Variants in TMED3 observed in about 807,000 individuals in gnomAD.
TMED3 encodes transmembrane p24 trafficking protein 3, also known as transmembrane emp24 domain-containing protein 3.
In TMED3, 9 loss-of-function variants were observed where a neutral mutation model predicts 15.0. That is an observed-to-expected ratio of 0.60 (90% CI 0.36 to 1.04). TMED3 has a LOEUF of 1.04. Among genes scored for constraint, TMED3 ranks in the 50% least tolerant of loss-of-function variants. The probability of loss-of-function intolerance (pLI) is 0.01; values close to 1 mark genes in which losing one functional copy is unlikely to be tolerated. For missense variants in TMED3, 267 were observed against 278.9 expected (o/e 0.96, Z 0.30); for synonymous variants, 117 against 121.4 (o/e 0.96, Z 0.24).
intron 2 of TMED3, among the ~76,000 whole-genome samples, chr15:79,409,920 G>T (rs1431166311): frequency 1.3e-5 from 2 of 152,034 alleles, no homozygotes; most frequent in Non-Finnish European, 2.9e-5. Context: ...GAAGAAATTG[G>T]TAACCTTAGT....
Position 79,409,713 on chromosome 15 carries a change from G to A in TMED3, c.418-1687G>A, listed in dbSNP as rs184596517. Among the ~76,000 whole-genome samples, 29 of 152,226 alleles carry A rather than the reference G, an allele frequency of 1.9e-4. No individual in the cohort carries two copies. The East Asian group carries it at 3.5e-3, about 18-fold the overall frequency. ...TGCTCTTATTAGAAAGTTTTGGTTC[G>A]TATTGTAAGAAAAGAATGCCTTTGG... is the stretch of plus-strand genomic sequence containing the variant. On this transcript the variant is annotated intron_variant, in intron 2 of 2. Transcript: ENST00000424155.
intron 2 of TMED3, among the ~76,000 whole-genome samples, chr15:79,359,669 G>A (rs1206044274): frequency 6.6e-6 from 1 of 152,218 alleles, no homozygotes; most frequent in Non-Finnish European, 1.5e-5. Flanking sequence ...TTTGGGAGTT[G>A]TTTCTGACAG....
At chr15:79,410,771 A>G (rs1893968418) in intron 2 of TMED3, among the ~76,000 whole-genome samples, 1 of 152,120 alleles carries the variant, frequency 6.6e-6, no homozygotes, top group African/African-American at 2.4e-5. Flanking sequence ...GAAAAATAAA[A>G]TTATGAAAGT....
At chr15:79,352,431 C>T (rs567749659) in intron 2 of TMED3, among the ~76,000 whole-genome samples, 48 of 151,992 alleles carry the variant, frequency 3.2e-4, no homozygotes, top group African/African-American at 1.0e-3. Flanking sequence ...GAATGTCAGG[C>T]GTCATGTGCT....
At chr15:79,402,515 C>T (rs115471849) in intron 2 of TMED3, among the ~76,000 whole-genome samples, 3 of 152,276 alleles carry the variant, frequency 2.0e-5, no homozygotes, top group Non-Finnish European at 4.4e-5. Context: ...CACAGGGGCT[C>T]ACACCTGTAA....
At chr15:79,342,522 ATAT>A (rs1429185228) in intron 2 of TMED3, among the ~76,000 whole-genome samples, 1 of 152,224 alleles carries the variant, frequency 6.6e-6, no homozygotes, top group African/African-American at 2.4e-5. Flanking sequence ...TTTGAAAATA[ATAT>A]TATTTACCTT....
At chr15:79,358,708 G>T (rs1893064529) in intron 2 of TMED3, among the ~76,000 whole-genome samples, 1 of 152,184 alleles carries the variant, frequency 6.6e-6, no homozygotes, top group South Asian at 2.1e-4. Context: ...TACTTTCTAA[G>T]ACCCCAACAT....
intron 2 of TMED3, among the ~76,000 whole-genome samples, chr15:79,354,684 G>T (rs1266979896): frequency 1.3e-5 from 2 of 151,526 alleles, no homozygotes; most frequent in African/African-American, 4.9e-5. Context: ...GGGACTCTTT[G>T]CAGGAAGCCT....
At chr15:79,353,923 C>T (rs924330805) in intron 2 of TMED3, among the ~76,000 whole-genome samples, 5 of 152,108 alleles carry the variant, frequency 3.3e-5, no homozygotes, top group Non-Finnish European at 7.4e-5. Flanking sequence ...ACCCCAGCTT[C>T]CCCTAGAATC....
chr15:79,348,956 C>A (rs552047732), intron 2 of TMED3, among the ~76,000 whole-genome samples: 4 of 152,128 alleles, frequency 2.6e-5, no homozygotes, highest in Non-Finnish European at 5.9e-5. Context: ...CGGGCCCTCC[C>A]CCACCCCCAG....
intron 2 of TMED3, among the ~76,000 whole-genome samples, chr15:79,377,949 C>T (rs568328957): frequency 2.6e-5 from 4 of 152,260 alleles, no homozygotes; most frequent in Admixed American, 6.5e-5. Flanking sequence ...CCCGGCTGAA[C>T]AAACTGTTCT....
At chr15:79,369,065 G>T (rs977604174) in intron 2 of TMED3, among the ~76,000 whole-genome samples, 1 of 150,086 alleles carries the variant, frequency 6.7e-6, no homozygotes. Context: ...CTGTACTCCA[G>T]CCTGGGTGGC....
chr15:79,371,394 T>A (rs923563321), intron 2 of TMED3, among the ~76,000 whole-genome samples: 1 of 152,022 alleles, frequency 6.6e-6, no homozygotes, highest in Non-Finnish European at 1.5e-5. Flanking sequence ...TGGGCCCCAG[T>A]GTCACAGCCC....
intron 2 of TMED3, among the ~76,000 whole-genome samples, chr15:79,405,818 A>G (rs2141258947): frequency 6.6e-6 from 1 of 152,360 alleles, no homozygotes; most frequent in South Asian, 2.1e-4. Context: ...CTCTACTAAG[A>G]CAGAGAGCAA....
chr15:79,314,360 G>A (rs2141212672), intron 2 of TMED3, among the ~76,000 whole-genome samples: 1 of 152,300 alleles, frequency 6.6e-6, no homozygotes, highest in East Asian at 1.9e-4. Context: ...ACTTTGTGTG[G>A]TGTATTAGTT....
exon 3 of TMED3, chr15:79,411,639 A>AGGT (rs1032332797): frequency 1.6e-6 from 1 of 616,178 alleles, no homozygotes; most frequent in Non-Finnish European, 2.9e-6. Context: ...CCAGGGGAAC[A>AGGT]GGTGAGTTAA....
At chr15:79,313,714 G>A (rs1159780801) in intron 1 of TMED3, 43 bp from the exon 2 acceptor site, 1 of 1,590,782 alleles carries the variant, frequency 6.3e-7, no homozygotes, top group Non-Finnish European at 8.6e-7. Context: ...TTGGTAAGTG[G>A]TGGTTGCTCC....
chr15:79,398,150 C>G (rs142231190), intron 2 of TMED3, among the ~76,000 whole-genome samples: 1 of 152,240 alleles, frequency 6.6e-6, no homozygotes, highest in East Asian at 1.9e-4. Flanking sequence ...CATCCCTCCT[C>G]CTCCATCCAA....
intron 2 of TMED3, among the ~76,000 whole-genome samples, chr15:79,377,115 A>G (rs1224700577): frequency 6.6e-6 from 1 of 152,234 alleles, no homozygotes; most frequent in Admixed American, 6.5e-5. Context: ...TATCTAAATG[A>G]ACAAGATCAC....
Sources: gnomAD v4.1 joint callset for allele counts (sites outside exome capture counted in the v4.1 genomes callset) on GRCh38, gnomAD v4.1.1 for gene constraint, MANE v1.5 for transcripts, NCBI Gene and HGNC (gene_info 2026-07-23, HGNC 2026-07-21) for gene names.